Variants in ARHGAP19 observed in about 807,000 individuals in gnomAD.
The protein encoded by ARHGAP19 is rho GTPase-activating protein 19.
In ARHGAP19, 48 loss-of-function variants were observed where a neutral mutation model predicts 60.9. The ratio of observed to expected loss-of-function variants is 0.79; its 90% CI spans 0.62 to 1.00. The LOEUF is 1.00. Ranked by LOEUF, ARHGAP19 falls within the 50% of genes least tolerant of loss-of-function variation. The pLI, the probability that ARHGAP19 is intolerant of heterozygous loss-of-function variation, is 0.00. For missense variants in ARHGAP19, 562 were observed against 597.2 expected, an observed-to-expected ratio of 0.94 and a Z score of 0.61; for synonymous variants, 209 against 215.5, an observed-to-expected ratio of 0.97 and a Z score of 0.27.
intron 5 of ARHGAP19, among the ~76,000 whole-genome samples, chr10:97,257,850 A>C (rs181605594): frequency 6.6e-6 from 1 of 152,050 alleles, no homozygotes; most frequent in East Asian, 1.9e-4. Flanking sequence ...TAATCTCAAA[A>C]ATTTTTTATA....
At chr10:97,278,871 A>G (rs371396908) in intron 1 of ARHGAP19, among the ~76,000 whole-genome samples, 1 of 152,170 alleles carries the variant, frequency 6.6e-6, no homozygotes, top group African/African-American at 2.4e-5. Flanking sequence ...CCAAAACTGC[A>G]TACCCACAAA....
intron 2 of ARHGAP19, chr10:97,265,364 G>C: frequency 5.7e-6 from 1 of 176,940 alleles, no homozygotes; most frequent in Non-Finnish European, 1.2e-5. Flanking sequence ...GTCAGGCATG[G>C]TGTCATGCAC....
chr10:97,252,418 C>T (rs1207544736), intron 6 of ARHGAP19, among the ~76,000 whole-genome samples: 12 of 150,804 alleles, frequency 8.0e-5, no homozygotes, highest in Non-Finnish European at 1.2e-4. Flanking sequence ...GTCAGGAGAT[C>T]GAGACCATCC....
chr10:97,233,866 TA>T (rs147341327), intron 9 of ARHGAP19, among the ~76,000 whole-genome samples: 100 of 95,472 alleles, frequency 1.0e-3, no homozygotes, highest in Admixed American at 1.2e-3. Context: ...AGACTCCATC[TA>T]AAAAAAAAAA....
intron 1 of ARHGAP19, among the ~76,000 whole-genome samples, chr10:97,284,000 C>T (rs2134924587): frequency 6.6e-6 from 1 of 151,936 alleles, no homozygotes; most frequent in South Asian, 2.1e-4. Context: ...GTGGTGTCAT[C>T]ATAGCTCACT....
At chr10:97,282,280 G>C (rs1013193457) in intron 1 of ARHGAP19, among the ~76,000 whole-genome samples, 5 of 152,194 alleles carry the variant, frequency 3.3e-5, no homozygotes, top group African/African-American at 7.2e-5. Flanking sequence ...ATGTAAGACT[G>C]ACACCGTTGG....
intron 7 of ARHGAP19, among the ~76,000 whole-genome samples, chr10:97,245,010 T>G (rs1278444641): frequency 6.6e-6 from 1 of 152,004 alleles, no homozygotes; most frequent in Admixed American, 6.6e-5. Context: ...CCTAACTTCT[T>G]TTTTCATTTT....
chr10:97,234,808 A>G (rs1337611257), intron 9 of ARHGAP19, among the ~76,000 whole-genome samples: 1 of 152,232 alleles, frequency 6.6e-6, no homozygotes, highest in Non-Finnish European at 1.5e-5. Flanking sequence ...TCACTAGCCT[A>G]TTGGAAAATC....
intron 1 of ARHGAP19, among the ~76,000 whole-genome samples, chr10:97,279,900 A>C (rs1843062303): frequency 6.6e-6 from 1 of 152,196 alleles, no homozygotes; most frequent in African/African-American, 2.4e-5. Context: ...TTGGAATCCT[A>C]ATCTAAGATT....
intron 1 of ARHGAP19, among the ~76,000 whole-genome samples, chr10:97,290,396 T>C (rs556405022): frequency 4.1e-4 from 63 of 152,324 alleles, no homozygotes; most frequent in African/African-American, 1.5e-3. Flanking sequence ...GCTAAGTGCC[T>C]GGGTTCGTCC....
At chr10:97,282,095 A>G (rs1250001719) in intron 1 of ARHGAP19, among the ~76,000 whole-genome samples, 1 of 152,104 alleles carries the variant, frequency 6.6e-6, no homozygotes, top group African/African-American at 2.4e-5. Context: ...ACCTCTCCCC[A>G]TCTTTCGAAT....
chr10:97,247,379 T>C (rs1312092229), intron 6 of ARHGAP19, among the ~76,000 whole-genome samples: 1 of 152,166 alleles, frequency 6.6e-6, no homozygotes, highest in Non-Finnish European at 1.5e-5. Context: ...ACCCTGATAC[T>C]GTCTTAGTAG....
chr10:97,271,187 A>G (rs1024077999), intron 1 of ARHGAP19, among the ~76,000 whole-genome samples: 2 of 152,174 alleles, frequency 1.3e-5, no homozygotes, highest in African/African-American at 4.8e-5. Flanking sequence ...TACATACTAA[A>G]TGTCTTAAAA....
intron 1 of ARHGAP19, among the ~76,000 whole-genome samples, chr10:97,285,520 T>C (rs1306739589): frequency 3.6e-5 from 4 of 111,200 alleles, no homozygotes; most frequent in African/African-American, 9.3e-5. Context: ...TTTTTTTTGC[T>C]TTTTTTTTTT....
Position 97,225,990 on chromosome 10 carries a change from G to A in ARHGAP19, c.*132C>T, listed in dbSNP as rs184839583. On this transcript the variant is annotated 3_prime_UTR_variant, in exon 12 of 12. Coordinates refer to ENST00000358531, the MANE Select transcript of ARHGAP19 (RefSeq NM_032900.6). ...GGGTTAGAGGTATCAGTCGGGTCAC[G>A]GTATTAGTTGGCTTTGACAATTCAA... 3.4e-5 allele frequency: 31 copies of A among 908,248 alleles called. No homozygotes were observed. Among genetic ancestry groups the A allele is most frequent in the Admixed American group, 4.6e-5 (2 of 43,182 alleles). 56.3% of individuals were successfully genotyped at this position (908,248 alleles called of 1,614,324 possible).
At chr10:97,266,686 G>C (rs1842902880) in intron 1 of ARHGAP19, among the ~76,000 whole-genome samples, 1 of 152,162 alleles carries the variant, frequency 6.6e-6, no homozygotes, top group Admixed American at 6.5e-5. Context: ...TGACTGGGGA[G>C]GCCTCACAAT....
chr10:97,247,708 G>A (rs1372104505), intron 6 of ARHGAP19, among the ~76,000 whole-genome samples: 1 of 147,486 alleles, frequency 6.8e-6, no homozygotes, highest in Non-Finnish European at 1.5e-5. Context: ...AAGGGAGGGA[G>A]AGAAAAAGAA....
chr10:97,240,970 T>C (rs1356960994), intron 8 of ARHGAP19, among the ~76,000 whole-genome samples: 1 of 152,228 alleles, frequency 6.6e-6, no homozygotes, highest in Non-Finnish European at 1.5e-5. Flanking sequence ...TGAGCATGTA[T>C]AATTTTTATA....
chr10:97,229,337 G>T, intron 10 of ARHGAP19, 112 bp from the exon 11 acceptor site: 1 of 880,814 alleles, frequency 1.1e-6, no homozygotes, highest in Non-Finnish European at 1.8e-6. Context: ...GTTTTTCTGA[G>T]ACTGATGTAT....
Sources: gnomAD v4.1 joint callset for allele counts (sites outside exome capture counted in the v4.1 genomes callset) on GRCh38, gnomAD v4.1.1 for gene constraint, MANE v1.5 for transcripts, NCBI Gene and HGNC (gene_info 2026-07-23, HGNC 2026-07-21) for gene names.